MYO18B: variants seen among roughly 807,000 people sequenced by gnomAD.
MYO18B encodes the protein myosin XVIIIB.
MYO18B carries 204 observed loss-of-function variants against 273.0 expected under a neutral mutation model. The observed-to-expected ratio is 0.75, with a 90% confidence interval of 0.67 to 0.84. MYO18B has a LOEUF of 0.84. Ranked by LOEUF, MYO18B falls within the 40% of genes least tolerant of loss-of-function variation. The pLI is 0.00. For synonymous variants in MYO18B, 1,330 were observed against 1,305.7 expected (o/e 1.02, Z -0.40); for missense variants, 3,212 against 3,287.6 (o/e 0.98, Z 0.56).
chr22:25,756,825 C>T (rs138500474), intron 1 of MYO18B, among the ~76,000 whole-genome samples: 1,542 of 152,302 alleles, frequency 0.01, 20 homozygotes, highest in Admixed American at 0.016. Flanking sequence ...CTTTGGGAGG[C>T]CGAGGCAGGT....
rs148773454 is a variant in MYO18B, at chr22:25,861,347, G to A, written c.3886-6973G>A. 6.4e-4 allele frequency among the ~76,000 whole-genome samples: 97 copies of A among 152,246 alleles called. 1 individual carries two copies. Among genetic ancestry groups the A allele is most frequent in the Middle Eastern group, 3.4e-3 (1 of 292 alleles). On this transcript the variant is annotated intron_variant, in intron 21 of 43. Transcript: ENST00000335473. Reference sequence around the variant, plus strand: ...TAGGTACAGACATATTTATAATGCCGTATCTTCTGGATGGATTAACCCTTT... The same window carrying A: ...TAGGTACAGACATATTTATAATGCCATATCTTCTGGATGGATTAACCCTTT...
intron 30 of MYO18B, 70 bp from the exon 31 acceptor site, chr22:25,903,561 G>A: frequency 6.8e-7 from 1 of 1,468,716 alleles, no homozygotes; most frequent in Non-Finnish European, 9.3e-7. Context: ...GTTGGTTGTA[G>A]AGGTATCCCT....
intron 11 of MYO18B, among the ~76,000 whole-genome samples, chr22:25,788,988 T>A (rs1317521824): frequency 6.6e-6 from 1 of 152,192 alleles, no homozygotes; most frequent in East Asian, 1.9e-4. Flanking sequence ...ATGAAGTACT[T>A]CGGCAGTGCC....
intron 32 of MYO18B, among the ~76,000 whole-genome samples, chr22:25,908,922 A>G (rs1201992802): frequency 6.6e-6 from 1 of 152,220 alleles, no homozygotes; most frequent in East Asian, 1.9e-4. Flanking sequence ...CTGTACACAC[A>G]TGCAGATTTG....
intron 11 of MYO18B, among the ~76,000 whole-genome samples, chr22:25,787,309 C>CGCACAG (rs2087445179): frequency 6.9e-6 from 1 of 144,670 alleles, no homozygotes; most frequent in Non-Finnish European, 1.5e-5. Context: ...CACACACACA[C>CGCACAG]AGTCTGTCTT....
At chr22:25,888,673 C>T (rs551194634) in intron 25 of MYO18B, among the ~76,000 whole-genome samples, 1 of 152,330 alleles carries the variant, frequency 6.6e-6, no homozygotes, top group South Asian at 2.1e-4. Flanking sequence ...CAACCAGGAA[C>T]ACCCTAGGAG....
At chr22:26,007,616 C>T (rs1399932494) in intron 42 of MYO18B, among the ~76,000 whole-genome samples, 2 of 152,176 alleles carry the variant, frequency 1.3e-5, no homozygotes, top group Non-Finnish European at 2.9e-5. Context: ...AAATTATGAA[C>T]CCCTTCCTTT....
At chr22:25,807,917 G>A (rs1460263296) in intron 12 of MYO18B, among the ~76,000 whole-genome samples, 6 of 152,086 alleles carry the variant, frequency 3.9e-5, no homozygotes, top group Non-Finnish European at 7.4e-5. Flanking sequence ...CTGTTTTGCA[G>A]ATGAACTGAG....
chr22:25,903,548 C>A, intron 30 of MYO18B, 83 bp from the exon 31 acceptor site: 1 of 1,403,262 alleles, frequency 7.1e-7, no homozygotes, highest in Non-Finnish European at 9.7e-7. Flanking sequence ...CACTCCAGCC[C>A]CAGTTGGTTG....
At position 25,777,794 on chromosome 22, in the gene MYO18B, C is replaced by G. The variant is rs745443314; in HGVS notation, c.2068+13C>G. The G allele has an allele frequency of 1.3e-6, 2 of 1,574,204 alleles. No homozygotes were observed. Among genetic ancestry groups the G allele is most frequent in the East Asian group, 4.5e-5 (2 of 44,208 alleles). On this transcript the variant is annotated intron_variant, in intron 8 of 43. Transcript: ENST00000335473. ...GGCAGGGTCTCAGGTATGGTGGTCT[C>G]TAGGTGACATGGAGAGTTGGGGTCA... is the stretch of plus-strand genomic sequence containing the variant.
At chr22:26,018,312 C>T (rs1254287221) in intron 42 of MYO18B, among the ~76,000 whole-genome samples, 1 of 152,078 alleles carries the variant, frequency 6.6e-6, no homozygotes, top group African/African-American at 2.4e-5. Flanking sequence ...ACTCTATTCC[C>T]CATGTCAGGA....
chr22:25,758,256 C>T (rs550712250), intron 1 of MYO18B, among the ~76,000 whole-genome samples: 11 of 152,108 alleles, frequency 7.2e-5, no homozygotes, highest in South Asian at 2.1e-4. Context: ...TCGGGATCCA[C>T]GCACCTCGGC....
intron 12 of MYO18B, among the ~76,000 whole-genome samples, chr22:25,801,979 C>T (rs1467635091): frequency 6.6e-6 from 1 of 152,176 alleles, no homozygotes; most frequent in Non-Finnish European, 1.5e-5. Context: ...CTGCCTATGG[C>T]AGGCCTACAA....
At chr22:25,938,610 C>T (rs999852795) in intron 34 of MYO18B, among the ~76,000 whole-genome samples, 1 of 152,210 alleles carries the variant, frequency 6.6e-6, no homozygotes, top group Non-Finnish European at 1.5e-5. Context: ...TAAGTGGCCA[C>T]GCAGTGCGTA....
rs770857621 is a variant in MYO18B at position 25,876,195 on chromosome 22, C to T, written c.4087C>T (p.Arg1363Ter). Residue 1363 changes from arginine (R) to a stop codon, truncating the protein, a stop_gained, in exon 24 of 44, where the codon CGA becomes TGA. Coordinates refer to ENST00000335473, the MANE Select transcript of MYO18B (RefSeq NM_032608.7). LOFTEE classifies it high-confidence loss of function. ...RQEFKKLKIR[R>*]LAAQCIQKNV... Reference sequence around the variant, plus strand: ...GTGTTCTCCTTCCCTGCAGATTCGCCGACTGGCTGCACAGTGCATCCAGAA... The same window carrying T: ...GTGTTCTCCTTCCCTGCAGATTCGCTGACTGGCTGCACAGTGCATCCAGAA... 8.1e-6 allele frequency: 13 copies of T among 1,611,150 alleles called. No individual in the cohort carries two copies. Among genetic ancestry groups the T allele is most frequent in the East Asian group, 2.2e-5 (1 of 44,762 alleles).
At chr22:25,911,288 G>A (rs921516809) in intron 33 of MYO18B, among the ~76,000 whole-genome samples, 2 of 152,202 alleles carry the variant, frequency 1.3e-5, no homozygotes, top group African/African-American at 4.8e-5. Context: ...GGCTGTCTTT[G>A]CCTTCAGCAG....
chr22:26,017,919 AAT>A (rs1181075573), intron 42 of MYO18B, among the ~76,000 whole-genome samples: 3 of 148,954 alleles, frequency 2.0e-5, no homozygotes, highest in Non-Finnish European at 4.4e-5. Context: ...ATCTCTTTTA[AAT>A]GAGAACGATC....
chr22:25,799,966 GAT>G (rs3069295), intron 12 of MYO18B, among the ~76,000 whole-genome samples: 139,740 of 151,928 alleles, frequency 0.92, 65,002 homozygotes, highest in Non-Finnish European at 0.99. Context: ...GAAAATGTGA[GAT>G]ATATATATAT....
At chr22:25,763,202 C>T in intron 2 of MYO18B, 29 bp from the exon 3 acceptor site, 1 of 1,609,462 alleles carries the variant, frequency 6.2e-7, no homozygotes, top group Non-Finnish European at 8.5e-7. Flanking sequence ...ACTCACTGAG[C>T]TCTCTCTTTC....
Sources: gnomAD v4.1 joint callset for allele counts (sites outside exome capture counted in the v4.1 genomes callset) on GRCh38, gnomAD v4.1.1 for gene constraint, MANE v1.5 for transcripts, NCBI Gene and HGNC (gene_info 2026-07-23, HGNC 2026-07-21) for gene names.